The following SYT2 variants were observed in gnomAD, a reference collection of about 807,000 sequenced individuals.
SYT2 encodes synaptotagmin 2, also known as synaptotagmin-2.
SYT2 carries 15 observed loss-of-function variants against 39.9 expected under a neutral mutation model. The ratio of observed to expected loss-of-function variants is 0.38; its 90% CI spans 0.25 to 0.58. SYT2 has a LOEUF of 0.58. Among genes scored for constraint, SYT2 ranks in the 20% least tolerant of loss-of-function variants. The pLI is 0.70. For synonymous variants in SYT2, 181 were observed against 204.5 expected, an observed-to-expected ratio of 0.89 and a Z score of 0.98; for missense variants, 389 against 530.3, an observed-to-expected ratio of 0.73 and a Z score of 2.62.
intron 1 of SYT2, among the ~76,000 whole-genome samples, chr1:202,700,312 G>A (rs190721041): frequency 7.2e-5 from 11 of 152,236 alleles, no homozygotes; most frequent in Admixed American, 5.9e-4. Flanking sequence ...ATGCCCCCAG[G>A]TTCTGCCCTG....
chr1:202,701,160 T>C (rs1049169295), intron 1 of SYT2, among the ~76,000 whole-genome samples: 1 of 152,218 alleles, frequency 6.6e-6, no homozygotes, highest in African/African-American at 2.4e-5. Context: ...AATTTTTGCT[T>C]GAAAGCTTAA....
At chr1:202,702,114 G>A (rs758507998) in intron 1 of SYT2, among the ~76,000 whole-genome samples, 25 of 152,334 alleles carry the variant, frequency 1.6e-4, no homozygotes, top group Admixed American at 7.8e-4. Flanking sequence ...GCAGTGGTGA[G>A]GACCTGGGCT....
chr1:202,702,968 G>A (rs991204542), intron 1 of SYT2, among the ~76,000 whole-genome samples: 13 of 152,314 alleles, frequency 8.5e-5, no homozygotes, highest in African/African-American at 3.1e-4. Flanking sequence ...TGTAGCAGAA[G>A]CAGAGAAGGC....
intron 1 of SYT2, among the ~76,000 whole-genome samples, chr1:202,617,686 C>T (rs1196271279): frequency 9.2e-5 from 14 of 152,168 alleles, no homozygotes; most frequent in Non-Finnish European, 1.9e-4. Flanking sequence ...CCCCTACCCC[C>T]GCATCAAGGC....
At chr1:202,636,739 C>T (rs1367419671) in intron 1 of SYT2, among the ~76,000 whole-genome samples, 2 of 152,238 alleles carry the variant, frequency 1.3e-5, no homozygotes, top group Non-Finnish European at 1.5e-5. Context: ...AAAATCTTTA[C>T]AGCACCGTTG....
At chr1:202,610,268 C>A (rs1208630090) in intron 1 of SYT2, among the ~76,000 whole-genome samples, 1 of 152,166 alleles carries the variant, frequency 6.6e-6, no homozygotes, top group Non-Finnish European at 1.5e-5. Context: ...GTACCAGTAC[C>A]ATGCTGTTTT....
intron 1 of SYT2, among the ~76,000 whole-genome samples, chr1:202,708,512 G>A (rs917037059): frequency 6.6e-6 from 1 of 152,086 alleles, no homozygotes; most frequent in Non-Finnish European, 1.5e-5. Flanking sequence ...TGGCAGCCAA[G>A]CAGAGCAGAG....
intron 1 of SYT2, among the ~76,000 whole-genome samples, chr1:202,694,575 C>T (rs1432901167): frequency 6.6e-6 from 1 of 152,120 alleles, no homozygotes; most frequent in Non-Finnish European, 1.5e-5. Flanking sequence ...CACACACACA[C>T]ACACACAAAG....
At chr1:202,667,466 CGTGTGTGT>C (rs35072265) in intron 1 of SYT2, among the ~76,000 whole-genome samples, 4,127 of 140,792 alleles carry the variant, frequency 0.029, 100 homozygotes, top group South Asian at 0.076. Context: ...AGTGACCAGC[CGTGTGTGT>C]GTGTGTGTGT....
chr1:202,697,013 C>T (rs1417122781), intron 1 of SYT2, among the ~76,000 whole-genome samples: 1 of 152,306 alleles, frequency 6.6e-6, no homozygotes, highest in African/African-American at 2.4e-5. Flanking sequence ...ATTCACCTTC[C>T]TACCAAGCCC....
At chr1:202,603,309 G>T (rs973804198) in intron 3 of SYT2, among the ~76,000 whole-genome samples, 191 bp from the exon 4 acceptor site, 1 of 152,140 alleles carries the variant, frequency 6.6e-6, no homozygotes, top group Admixed American at 6.5e-5. Flanking sequence ...CCCCTAGGTG[G>T]CTCCTCTACC....
intron 1 of SYT2, among the ~76,000 whole-genome samples, chr1:202,642,721 C>G (rs372234724): frequency 1.5e-4 from 23 of 152,364 alleles, no homozygotes; most frequent in Admixed American, 4.6e-4. Context: ...GGCACACCCC[C>G]CTCTGCGCCA....
intron 1 of SYT2, among the ~76,000 whole-genome samples, chr1:202,705,760 G>A (rs1654233206): frequency 6.7e-6 from 1 of 150,086 alleles, no homozygotes; most frequent in Admixed American, 6.7e-5. Context: ...CTGTTTTCCA[G>A]GCTGAAGTGA....
At chr1:202,684,037 A>G (rs1014201189) in intron 1 of SYT2, among the ~76,000 whole-genome samples, 3 of 151,984 alleles carry the variant, frequency 2.0e-5, no homozygotes, top group Non-Finnish European at 2.9e-5. Context: ...TATTTTACTG[A>G]AATATATTAC....
chr1:202,602,329 G>C, intron 5 of SYT2, 49 bp downstream of exon 5: 1 of 1,572,434 alleles, frequency 6.4e-7, no homozygotes, highest in Non-Finnish European at 8.7e-7. Flanking sequence ...ACTCAGCAGA[G>C]AATTGGGATC....
chr1:202,598,782 G>A (rs1310528569), intron 8 of SYT2, among the ~76,000 whole-genome samples: 1 of 152,186 alleles, frequency 6.6e-6, no homozygotes, highest in African/African-American at 2.4e-5. Flanking sequence ...GAGGGAGAGA[G>A]GAGAGGAAGC....
At chr1:202,669,713 A>G (rs1230432925) in intron 1 of SYT2, among the ~76,000 whole-genome samples, 2 of 151,564 alleles carry the variant, frequency 1.3e-5, no homozygotes, top group Non-Finnish European at 2.9e-5. Flanking sequence ...AGGCATGATC[A>G]TACCACTGAA....
chr1:202,703,651 T>C (rs1654178281), intron 1 of SYT2, among the ~76,000 whole-genome samples: 1 of 152,068 alleles, frequency 6.6e-6, no homozygotes, highest in African/African-American at 2.4e-5. Context: ...AGGGAGCCTG[T>C]GATTTTTGCC....
intron 1 of SYT2, chr1:202,627,422 A>G (rs1691447926): frequency 4.1e-6 from 4 of 985,158 alleles, no homozygotes; most frequent in Non-Finnish European, 4.8e-6. Flanking sequence ...CTCCCTGCTA[A>G]AGGAGAGAAG....
Sources: gnomAD v4.1 joint callset for allele counts (sites outside exome capture counted in the v4.1 genomes callset) on GRCh38, gnomAD v4.1.1 for gene constraint, MANE v1.5 for transcripts, NCBI Gene and HGNC (gene_info 2026-07-23, HGNC 2026-07-21) for gene names.